Variants in WWP2 observed in about 807,000 individuals in gnomAD.
WWP2 encodes NEDD4-like E3 ubiquitin-protein ligase WWP2.
In WWP2, 57 loss-of-function variants were observed where a neutral mutation model predicts 121.0. The observed-to-expected ratio is 0.47, with a 90% CI of 0.38 to 0.59. WWP2 has a LOEUF of 0.59. Among genes scored for constraint, WWP2 ranks in the 20% least tolerant of loss-of-function variants. The pLI is 0.00. For synonymous variants in WWP2, 449 were observed against 441.3 expected (o/e 1.02, Z -0.22); for missense variants, 962 against 1,158.9 (o/e 0.83, Z 2.47).
chr16:69,909,454 GC>G (rs1597145765), intron 9 of WWP2: 1 of 985,552 alleles, frequency 1.0e-6, no homozygotes, highest in Non-Finnish European at 1.2e-6. Context: ...TCTTAGGAGA[GC>G]CCGTGTGCCC....
chr16:69,771,862 G>A, intron 1 of WWP2, among the ~76,000 whole-genome samples: 1 of 151,596 alleles, frequency 6.6e-6, no homozygotes, highest in Non-Finnish European at 1.5e-5. Context: ...CTGTCTCGCT[G>A]GGTCAATATG....
At chr16:69,814,540 G>T (rs957406371) in intron 4 of WWP2, among the ~76,000 whole-genome samples, 6 of 152,192 alleles carry the variant, frequency 3.9e-5, no homozygotes, top group African/African-American at 1.4e-4. Context: ...AGGTGAAGTT[G>T]ATTTTGAAAA....
intron 6 of WWP2, among the ~76,000 whole-genome samples, chr16:69,848,384 A>T (rs536218517): frequency 6.6e-6 from 1 of 151,768 alleles, no homozygotes; most frequent in African/African-American, 2.4e-5. Context: ...TGGGAAGTGG[A>T]GGTTGTGGTG....
intron 2 of WWP2, among the ~76,000 whole-genome samples, chr16:69,791,764 C>T (rs1357990809): frequency 6.6e-6 from 1 of 152,178 alleles, no homozygotes; most frequent in East Asian, 1.9e-4. Flanking sequence ...AAGCAGTTCT[C>T]CCACCTTGGC....
intron 1 of WWP2, among the ~76,000 whole-genome samples, chr16:69,772,196 G>A (rs2055432850): frequency 6.6e-6 from 1 of 151,734 alleles, no homozygotes; most frequent in Non-Finnish European, 1.5e-5. Flanking sequence ...CCCGAACTTG[G>A]GTGATCCGCC....
At chr16:69,833,757 C>A (rs917226667) in intron 4 of WWP2, among the ~76,000 whole-genome samples, 2 of 152,196 alleles carry the variant, frequency 1.3e-5, no homozygotes, top group Non-Finnish European at 1.5e-5. Context: ...TATATATGTT[C>A]CATTTAGTCC....
intron 6 of WWP2, among the ~76,000 whole-genome samples, chr16:69,849,839 A>C (rs929227617): frequency 1.9e-5 from 2 of 105,422 alleles, no homozygotes; most frequent in African/African-American, 5.2e-5. Flanking sequence ...TTAATTACAC[A>C]CTCATTTATA....
intron 2 of WWP2, among the ~76,000 whole-genome samples, chr16:69,791,991 A>T (rs965731421): frequency 6.7e-6 from 1 of 149,384 alleles, no homozygotes; most frequent in Non-Finnish European, 1.5e-5. Context: ...TATTTAACCT[A>T]CACAGATTTG....
chr16:69,879,361 T>C (rs1159038997), intron 7 of WWP2, among the ~76,000 whole-genome samples: 1 of 152,176 alleles, frequency 6.6e-6, no homozygotes, highest in Non-Finnish European at 1.5e-5. Context: ...TCTGTATCCA[T>C]TAAACAATAA....
chr16:69,889,131 T>C (rs1421741291), intron 8 of WWP2, among the ~76,000 whole-genome samples: 2 of 151,510 alleles, frequency 1.3e-5, no homozygotes, highest in Non-Finnish European at 2.9e-5. Context: ...CTGGGCAATA[T>C]AGTGATATCC....
intron 6 of WWP2, among the ~76,000 whole-genome samples, chr16:69,861,581 A>G (rs1387910685): frequency 6.6e-6 from 1 of 151,552 alleles, no homozygotes; most frequent in Non-Finnish European, 1.5e-5. Context: ...CAGTGACCAG[A>G]AGGGGCCCAT....
At chr16:69,794,345 A>G (rs1033407940) in intron 2 of WWP2, among the ~76,000 whole-genome samples, 28 of 152,096 alleles carry the variant, frequency 1.8e-4, no homozygotes, top group African/African-American at 6.8e-4. Flanking sequence ...AGCCTGGGCA[A>G]CATGGAAACC....
intron 4 of WWP2, among the ~76,000 whole-genome samples, chr16:69,820,825 TACAC>T (rs34214656): frequency 0.16 from 23,106 of 143,170 alleles, 2,484 homozygotes; most frequent in African/African-American, 0.31. Flanking sequence ...TACATGCATA[TACAC>T]ACACACACAC....
Position 69,931,169 on chromosome 16 carries a change from C to G in WWP2, c.1463C>G (p.Pro488Arg), listed in dbSNP as rs1337105711. The change falls in exon 14 of 24, where the codon CCT becomes CGT. Residue 488 changes from proline to arginine, a missense_variant. By Grantham distance (103) the Pro-to-Arg change is moderately radical. Coordinates refer to ENST00000359154, the MANE Select transcript of WWP2 (RefSeq NM_001270454.2). ...GFESGTKQGSPGAYDRSFRWK... is the reference protein window; with the variant it reads ...GFESGTKQGSRGAYDRSFRWK... ...CTTCCTAGGACGAAGCAAGGTTCCC[C>G]TGGTGCTTATGACCGCAGTTTTCGG... 1 of 1,614,068 alleles carries G rather than the reference C, an allele frequency of 6.2e-7. No homozygotes were observed. The highest frequency in any genetic ancestry group is 8.5e-7 in the Non-Finnish European group (1 of 1,180,036).
At chr16:69,936,489 G>A (rs762575973) in intron 19 of WWP2, 37 bp downstream of exon 19, 2 of 1,612,274 alleles carry the variant, frequency 1.2e-6, no homozygotes, top group South Asian at 1.1e-5. Flanking sequence ...CTCCAGGGGT[G>A]GCGTGGAGAT....
chr16:69,879,469 G>T (rs1261210660), intron 7 of WWP2, among the ~76,000 whole-genome samples: 1 of 151,992 alleles, frequency 6.6e-6, no homozygotes, highest in Non-Finnish European at 1.5e-5. Context: ...CATATAAGTG[G>T]ATTAACGTGT....
intron 8 of WWP2, among the ~76,000 whole-genome samples, chr16:69,904,872 A>G (rs2058263315): frequency 6.6e-6 from 1 of 152,244 alleles, no homozygotes. Context: ...GGTGTTTGTC[A>G]TGTTAAATAA....
chr16:69,871,633 T>C, intron 6 of WWP2, 171 bp from the exon 7 acceptor site: 1 of 890,420 alleles, frequency 1.1e-6, no homozygotes, highest in Non-Finnish European at 1.6e-6. Context: ...GAAACTTCCC[T>C]GGGTCTCTCT....
rs1045605218 is a variant in WWP2, at chr16:69,891,495, G to A, written c.914+3246G>A. Among the ~76,000 whole-genome samples, 5 of 152,254 alleles carry A rather than the reference G, an allele frequency of 3.3e-5. 1 individual carries two copies. Among genetic ancestry groups the A allele is most frequent in the African/African-American group, 1.2e-4 (5 of 41,538 alleles). ...CTACTAGTGCCCAAGTTCTATATTC[G>A]AGGTTTTACACTGTTGATTCTTTCA... On this transcript the variant is annotated intron_variant, in intron 8 of 23. Coordinates refer to ENST00000359154, the MANE Select transcript of WWP2 (RefSeq NM_001270454.2).
Sources: gnomAD v4.1 joint callset for allele counts (sites outside exome capture counted in the v4.1 genomes callset) on GRCh38, gnomAD v4.1.1 for gene constraint, MANE v1.5 for transcripts, NCBI Gene and HGNC (gene_info 2026-07-23, HGNC 2026-07-21) for gene names.